TAF1C: variants seen among roughly 807,000 people sequenced by gnomAD.
The protein encoded by TAF1C is TATA box-binding protein-associated factor RNA polymerase I subunit C.
Under a neutral mutation model 70.5 loss-of-function variants are expected in TAF1C, and 79 were observed. That is an observed-to-expected ratio of 1.12 (90% CI 0.93 to 1.35). TAF1C has a LOEUF of 1.35. Ranked by LOEUF, TAF1C falls within the 40% of genes most tolerant of loss-of-function variation. TAF1C has a pLI of 0.00. For missense variants in TAF1C, 1,412 were observed against 1,127.8 expected, an observed-to-expected ratio of 1.25 and a Z score of -3.61; for synonymous variants, 614 against 491.1, an observed-to-expected ratio of 1.25 and a Z score of -3.31.
chr16:84,184,793 G>T (rs2089391440), intron 2 of TAF1C, 58 bp downstream of exon 2: 18 of 1,534,252 alleles, frequency 1.2e-5, no homozygotes, highest in Non-Finnish European at 1.6e-5. Flanking sequence ...ATGTGAGACG[G>T]GGGACCCAGG....
In TAF1C at chr16:84,182,117, C is replaced by G; in HGVS notation, c.722-59G>C. ...ATGATCACTGCAAGCCCCCCAAATT[C>G]CTGCCCTTCTCTGGACCATGCCAAG... On this transcript the variant is annotated intron_variant, in intron 7 of 14. Coordinates refer to ENST00000566732, the MANE Select transcript of TAF1C (RefSeq NM_001243156.2). This position sits in a 1 kb window ranked among gnomAD's most constrained non-coding sequence, Gnocchi z 5.0. 6.3e-7 allele frequency: 1 copy of G among 1,593,810 alleles called. No individual in the cohort carries two copies. Among genetic ancestry groups the G allele is most frequent in the Non-Finnish European group, 8.6e-7 (1 of 1,168,766 alleles).
At chr16:84,181,527 C>A (rs4150149) in intron 10 of TAF1C, 64 bp from the exon 11 acceptor site, 2 of 1,613,138 alleles carry the variant, frequency 1.2e-6, no homozygotes, top group Non-Finnish European at 8.5e-7. Flanking sequence ...TCAAGGGTCG[C>A]GACATGCTCA....
chr16:84,181,808 C>G lies in TAF1C; in HGVS notation c.894G>C (p.Gln298His), dbSNP rs1209975264. 1 of 1,614,174 alleles carries G rather than the reference C, an allele frequency of 6.2e-7. No individual in the cohort carries two copies. The highest frequency in any genetic ancestry group is 1.1e-5 in the South Asian group (1 of 91,090). Residue 298 changes from glutamine to histidine, a missense_variant, in exon 9 of 15, where the codon CAG (glutamine) becomes CAC (histidine). By Grantham distance (24) the Gln-to-His change is conservative. Transcript: ENST00000566732. ...YHCAVWKFGK[Q>H]WQPTLLQAMQ... ...TTGCCTGCAGAAGGGTTGGCTGCCACTGTTTACCAAACTTCCACACGGCAC... is the reference window on the plus strand; with the variant it reads ...TTGCCTGCAGAAGGGTTGGCTGCCAGTGTTTACCAAACTTCCACACGGCAC...
intron 2 of TAF1C, 22 bp downstream of exon 2, chr16:84,184,829 G>A (rs1187371035): frequency 6.3e-7 from 1 of 1,583,258 alleles, no homozygotes; most frequent in Non-Finnish European, 8.6e-7. Flanking sequence ...GAGCTGCCAG[G>A]GCCCCCTGCC....
At chr16:84,180,413 C>A (rs1192921929) in intron 12 of TAF1C, 69 bp from the exon 13 acceptor site, 26 of 1,466,310 alleles carry the variant, frequency 1.8e-5, no homozygotes, top group Non-Finnish European at 2.4e-5. Context: ...CCCTCCAGGC[C>A]CCATGTGGCT....
chr16:84,179,738 A>T lies in TAF1C; in HGVS notation c.1735T>A (p.Ser579Thr). The T allele has an allele frequency of 6.2e-7, 1 of 1,611,458 alleles. No homozygotes were observed. The highest frequency in any genetic ancestry group is 8.5e-7 in the Non-Finnish European group (1 of 1,179,586). Residue 579 changes from serine to threonine, a missense_variant, in exon 15 of 15, where the codon TCC becomes ACC. By Grantham distance (58) the Ser-to-Thr change is moderately conservative (BLOSUM62 1). Transcript: ENST00000566732. The stretch of plus-strand genomic sequence containing the variant: ...GGCCCAGCATCTCTGCGGAGGCTGG[A>T]GTCCACCTGGGGGCGGAGCTGCTGG... ...FYQQLRPQVD[S>T]SLRRDAGPPG...
At chr16:84,181,000 G>A (rs2089148188) in intron 12 of TAF1C, 43 bp downstream of exon 12, 1 of 1,570,930 alleles carries the variant, frequency 6.4e-7, no homozygotes, top group African/African-American at 1.3e-5. Context: ...GACCATCTGA[G>A]ACAGAGCAGA....
chr16:84,180,924 T>G, intron 12 of TAF1C, 119 bp downstream of exon 12: 3 of 1,445,076 alleles, frequency 2.1e-6, no homozygotes, highest in Non-Finnish European at 2.7e-6. Flanking sequence ...TCATCCAGGG[T>G]TGAGTTTGGT....
At position 84,183,144 on chromosome 16, in the gene TAF1C, G is replaced by A; in HGVS notation, c.414C>T (p.Arg138=). ...ENFKLEGAGS[R]TKKKTVVSVK... ...CACTGACCACTGTCTTCTTCTTAGT[G>A]CGGCTCTGCATGGAAAGGCCTTGTC... Residue 138 remains arginine, a synonymous_variant, in exon 6 of 15, where the codon CGC becomes CGT. Transcript: ENST00000566732. The A allele has an allele frequency of 6.2e-7, 1 of 1,614,026 alleles. No individual in the cohort carries two copies. The highest frequency in any genetic ancestry group is 8.5e-7 in the Non-Finnish European group (1 of 1,180,030).
Position 84,183,148 on chromosome 16 carries a change from C to T in TAF1C, c.410G>A (p.Ser137Asn). Residue 137 changes from serine to asparagine, a missense_variant and splice_region_variant, in exon 6 of 15, where the codon AGC becomes AAC. Ser to Asn is a conservative substitution (Grantham distance 46, BLOSUM62 1). Transcript: ENST00000566732. ...LENFKLEGAG[S>N]RTKKKTVVSV... ...GACCACTGTCTTCTTCTTAGTGCGG[C>T]TCTGCATGGAAAGGCCTTGTCAGGC... The T allele has an allele frequency of 3.7e-6, 6 of 1,613,968 alleles. No individual in the cohort carries two copies. The highest frequency in any genetic ancestry group is 4.2e-6 in the Non-Finnish European group (5 of 1,180,038).
intron 2 of TAF1C, among the ~76,000 whole-genome samples, chr16:84,184,565 GTTTA>G (rs1309554834): frequency 1.3e-5 from 2 of 152,176 alleles, no homozygotes; most frequent in Non-Finnish European, 2.9e-5. Flanking sequence ...AAGTTCACTT[GTTTA>G]TTCTCGCTCA....
rs1417207654 is a variant in TAF1C, at chr16:84,178,372, A to G, written c.*569T>C. 4.4e-6 allele frequency: 2 copies of G among 456,958 alleles called. No homozygotes were observed. Among genetic ancestry groups the G allele is most frequent in the Non-Finnish European group, 8.8e-6 (2 of 227,248 alleles). 28.3% of individuals were successfully genotyped at this position (456,958 alleles called of 1,614,324 possible). A position where few individuals can be genotyped will look rare whatever the true frequency, so the allele number is the denominator to read the frequency against. On this transcript the variant is annotated 3_prime_UTR_variant, in exon 15 of 15. Transcript: ENST00000566732. ...GCTGTCCAGCCTAAAAAACGTGACC[A>G]TTCCAATTCATCTTCAGCTGCCAAG...
rs2089213489 is a variant in TAF1C, at chr16:84,181,793, A to G, written c.909T>C (p.Leu303=). The G allele has an allele frequency of 1.2e-6, 2 of 1,613,952 alleles. No homozygotes were observed. The highest frequency in any genetic ancestry group is 3.3e-5 in the Admixed American group (2 of 59,998). The change falls in exon 9 of 15, where the codon CTT becomes CTC. Residue 303 remains leucine, a synonymous_variant. Coordinates refer to ENST00000566732, the MANE Select transcript of TAF1C (RefSeq NM_001243156.2). ...CTTTCTCCACCTGCATTGCCTGCAG[A>G]AGGGTTGGCTGCCACTGTTTACCAA... ...WKFGKQWQPT[L]LQAMQVEKGA...
In TAF1C at chr16:84,185,431, G is replaced by C. The variant is rs4150124; in HGVS notation, c.-72-371C>G. On this transcript the variant is annotated intron_variant, in intron 1 of 14. Transcript: ENST00000566732. ...AGAGCGGTGGAGATGGAGTCAGAAA[G>C]ACGGCAAGGGGCAGCCTCTCTCCCG... 5.3e-3 allele frequency: 826 copies of C among 155,264 alleles called. 5 individuals carry two copies. The highest frequency in any genetic ancestry group is 0.019 in the African/African-American group (769 of 41,542). The allele number at this position is 155,264 out of a possible 1,614,324, so 9.6% of individuals were successfully genotyped here.
In TAF1C at chr16:84,180,198, A is replaced by G; in HGVS notation, c.1455T>C (p.Gly485=). The change falls in exon 13 of 15, where the codon GGT becomes GGC. Residue 485 remains glycine (G), a synonymous_variant. Coordinates refer to ENST00000566732, the MANE Select transcript of TAF1C (RefSeq NM_001243156.2). ...CCAGGTGCAGCAGCTGCAGCTGCCC[A>G]CCCTGGCCTCCGAGGAGCAGGGGCT... is the stretch of plus-strand genomic sequence containing the variant. The part of the protein sequence containing the change: ...CVQPLLLGGQ[G]GQLQLLHLAG... 1 of 1,541,818 alleles carries G rather than the reference A, an allele frequency of 6.5e-7. No homozygotes were observed. The highest frequency in any genetic ancestry group is 8.7e-7 in the Non-Finnish European group (1 of 1,152,256).
intron 12 of TAF1C, chr16:84,180,631 C>G (rs1014162136): frequency 3.2e-6 from 2 of 617,446 alleles, no homozygotes; most frequent in Admixed American, 3.9e-5. Context: ...CTGGCCTTCT[C>G]GCAGCCACCC....
rs1393206992 is a variant in TAF1C, at chr16:84,178,653, C to T, written c.*288G>A. ...CCCCCACAGCTGAGGCGCAGCGGAG[C>T]CCTGCCTCCCAGCACAGACTAAAAT... On this transcript the variant is annotated 3_prime_UTR_variant, in exon 15 of 15. Transcript: ENST00000566732. The T allele has an allele frequency of 6.1e-6, 3 of 492,310 alleles. No individual in the cohort carries two copies. The highest frequency in any genetic ancestry group is 3.9e-5 in the East Asian group (1 of 25,954). 30.5% of individuals were successfully genotyped at this position (492,310 alleles called of 1,614,324 possible).
Position 84,177,999 on chromosome 16 carries a change from A to T in TAF1C, c.*942T>A, listed in dbSNP as rs2088835404. ...CTTTCACCAGCCAACCTGAAAAAAG[A>T]CCTTTCTCTTACTATGTCATCAGAA... On this transcript the variant is annotated 3_prime_UTR_variant, in exon 15 of 15. Coordinates refer to ENST00000566732, the MANE Select transcript of TAF1C (RefSeq NM_001243156.2). 1 of 694,580 alleles carries T rather than the reference A, an allele frequency of 1.4e-6. No homozygotes were observed. The highest frequency in any genetic ancestry group is 1.5e-5 in the South Asian group (1 of 65,104). 43.0% of individuals were successfully genotyped at this position (694,580 alleles called of 1,614,324 possible).
rs1259672702 is a variant in TAF1C at position 84,178,099 on chromosome 16, G to A, written c.*842C>T. 4 of 465,706 alleles carry A rather than the reference G, an allele frequency of 8.6e-6. No homozygotes were observed. Among genetic ancestry groups the A allele is most frequent in the Non-Finnish European group, 1.6e-5 (4 of 250,746 alleles). 28.8% of individuals were successfully genotyped at this position (465,706 alleles called of 1,614,324 possible). A position where few individuals can be genotyped will look rare whatever the true frequency, so the allele number is the denominator to read the frequency against. On this transcript the variant is annotated 3_prime_UTR_variant, in exon 15 of 15. Transcript: ENST00000566732. ...CAGGAAAACAGAATCTTCCACTGCA[G>A]CTAGAGAAACTCCGAGGAAGAGGGA...
Sources: gnomAD v4.1 joint callset for allele counts (sites outside exome capture counted in the v4.1 genomes callset) on GRCh38, gnomAD v4.1.1 for gene constraint, Gnocchi (gnomAD v3.1) non-coding constraint, MANE v1.5 for transcripts, NCBI Gene and HGNC (gene_info 2026-07-23, HGNC 2026-07-21) for gene names.